Variants in METTL15 observed in about 807,000 individuals in gnomAD.
The protein encoded by METTL15 is methyltransferase 15, mitochondrial 12S rRNA N4-cytidine, also known as 12S rRNA N(4)-cytidine methyltransferase METTL15.
A neutral mutation model predicts 38.3 loss-of-function variants in METTL15; 34 were observed. The observed-to-expected ratio is 0.89, with a 90% confidence interval of 0.68 to 1.18. The LOEUF (loss-of-function observed/expected upper bound fraction) is 1.18, where lower values mean the gene tolerates loss of function less well. Among genes scored for constraint, METTL15 ranks in the 50% most tolerant of loss-of-function variants. The pLI is 0.00. For missense variants in METTL15, 438 were observed against 498.4 expected (o/e 0.88, Z 1.15); for synonymous variants, 162 against 170.9 (o/e 0.95, Z 0.41).
At chr11:28,287,374 C>CT in intron 4 of METTL15, 1 of 334,754 alleles carries the variant, frequency 3.0e-6, no homozygotes, top group Non-Finnish European at 5.8e-6. Context: ...TTTTCTAGAT[C>CT]TTTGAGTTGT....
chr11:28,437,290 C>A (rs1301501505), intron 6 of METTL15, among the ~76,000 whole-genome samples: 2 of 152,186 alleles, frequency 1.3e-5, no homozygotes, highest in Non-Finnish European at 2.9e-5. Flanking sequence ...CCTTTCATAT[C>A]TACATATATC....
At chr11:28,220,848 T>C (rs1038245780) in intron 4 of METTL15, among the ~76,000 whole-genome samples, 11 of 152,222 alleles carry the variant, frequency 7.2e-5, no homozygotes, top group Non-Finnish European at 1.6e-4. Context: ...TATGAAATTC[T>C]GGATTGAAAA....
intron 3 of METTL15, among the ~76,000 whole-genome samples, chr11:28,343,867 T>C (rs1055658013): frequency 1.3e-5 from 2 of 152,176 alleles, no homozygotes; most frequent in African/African-American, 4.8e-5. Flanking sequence ...GAGACAGATA[T>C]GCCAATTTTG....
chr11:28,420,076 A>C (rs2133420278), intron 5 of METTL15, among the ~76,000 whole-genome samples: 1 of 152,314 alleles, frequency 6.6e-6, no homozygotes, highest in South Asian at 2.1e-4. Flanking sequence ...CTTAAAGAAA[A>C]GACAGAGAAA....
At chr11:28,414,722 T>C (rs931640173) in intron 5 of METTL15, among the ~76,000 whole-genome samples, 1 of 152,174 alleles carries the variant, frequency 6.6e-6, no homozygotes, top group East Asian at 1.9e-4. Context: ...CTTTTGAAAA[T>C]AGAAATTATC....
At chr11:28,429,350 GCCCTCT>G (rs1169253929) in intron 6 of METTL15, among the ~76,000 whole-genome samples, 616 of 33,368 alleles carry the variant, frequency 0.018, 60 homozygotes, top group East Asian at 0.14. Flanking sequence ...GTAAACAGTA[GCCCTCT>G]CCCTCTCCCT....
chr11:28,373,678 C>T (rs995530630), intron 5 of METTL15, among the ~76,000 whole-genome samples: 10 of 152,242 alleles, frequency 6.6e-5, no homozygotes, highest in African/African-American at 2.4e-4. Context: ...AATTAAATCC[C>T]ATTTGTCAAT....
chr11:28,395,159 G>A (rs1348232112), intron 5 of METTL15, among the ~76,000 whole-genome samples: 4 of 151,956 alleles, frequency 2.6e-5, no homozygotes, highest in African/African-American at 7.3e-5. Context: ...GCTTCAGAAG[G>A]GACATGATTC....
chr11:28,190,757 CAA>C (rs1851672013), intron 3 of METTL15, among the ~76,000 whole-genome samples: 1 of 151,038 alleles, frequency 6.6e-6, no homozygotes. Flanking sequence ...ATGAGGGAGA[CAA>C]TGTTTACTTA....
At chr11:28,418,482 T>A (rs975067279) in intron 5 of METTL15, among the ~76,000 whole-genome samples, 4 of 152,128 alleles carry the variant, frequency 2.6e-5, no homozygotes, top group Non-Finnish European at 4.4e-5. Context: ...ATGCCATAGT[T>A]AGATGGGGCT....
chr11:28,205,581 C>T (rs1178829788), intron 3 of METTL15, among the ~76,000 whole-genome samples: 1 of 152,040 alleles, frequency 6.6e-6, no homozygotes, highest in African/African-American at 2.4e-5. Context: ...GTGCATGTGT[C>T]TTTATAGCAG....
At chr11:28,205,169 A>G (rs1442587185) in intron 3 of METTL15, among the ~76,000 whole-genome samples, 1 of 151,814 alleles carries the variant, frequency 6.6e-6, no homozygotes. Context: ...GGTTAGTTAC[A>G]TATGTATACA....
Position 28,296,931 on chromosome 11 carries a change from G to C in METTL15, c.778G>C (p.Gly260Arg). ...RTQQLASIVA[G>R]AFPPSAIYTR... is the part of the protein sequence containing the mutation. ...CCAGCAGCTTGCCAGCATCGTTGCA[G>C]GTAGCCTCATTAATTCTCAACAGTG... Residue 260 changes from glycine to arginine, a missense_variant and splice_region_variant, in exon 6 of 7, where the codon GGA becomes CGA. Transcript: ENST00000407364. 6.2e-7 allele frequency: 1 copy of C among 1,613,302 alleles called. No individual in the cohort carries two copies. Among genetic ancestry groups the C allele is most frequent in the Non-Finnish European group, 8.5e-7 (1 of 1,179,588 alleles).
At chr11:28,271,727 T>C (rs577971114) in intron 4 of METTL15, among the ~76,000 whole-genome samples, 1 of 152,282 alleles carries the variant, frequency 6.6e-6, no homozygotes, top group South Asian at 2.1e-4. Context: ...AATTGGGATC[T>C]AATTAAACTA....
intron 6 of METTL15, among the ~76,000 whole-genome samples, chr11:28,307,602 A>T (rs1014241674): frequency 6.6e-6 from 1 of 151,970 alleles, no homozygotes; most frequent in African/African-American, 2.4e-5. Context: ...TAAATGGTAA[A>T]TCAGGCTAAA....
At chr11:28,205,736 GT>G (rs1449937050) in intron 3 of METTL15, among the ~76,000 whole-genome samples, 3 of 149,858 alleles carry the variant, frequency 2.0e-5, no homozygotes, top group African/African-American at 7.4e-5. Flanking sequence ...GTGTAAAAGT[GT>G]TCCTATTTCT....
intron 3 of METTL15, among the ~76,000 whole-genome samples, chr11:28,340,347 T>G (rs1003736227): frequency 1.3e-5 from 2 of 151,964 alleles, no homozygotes; most frequent in Admixed American, 1.3e-4. Context: ...CTATAAAAAT[T>G]TTTGCTGTTC....
At chr11:28,433,531 G>A (rs940608172) in intron 6 of METTL15, among the ~76,000 whole-genome samples, 8 of 152,174 alleles carry the variant, frequency 5.3e-5, no homozygotes, top group African/African-American at 1.9e-4. Context: ...CAAGGATACT[G>A]TAAAAAGTAA....
chr11:28,157,786 C>A (rs896382297), intron 3 of METTL15, among the ~76,000 whole-genome samples: 1 of 152,124 alleles, frequency 6.6e-6, no homozygotes, highest in African/African-American at 2.4e-5. Context: ...TCCTGCCACC[C>A]AGCCTTCTCT....
Sources: allele counts gnomAD v4.1 joint callset (sites outside exome capture counted in the v4.1 genomes callset), GRCh38; gene constraint gnomAD v4.1.1; transcripts MANE v1.5; gene names NCBI Gene and HGNC (gene_info 2026-07-23, HGNC 2026-07-21).